Variants in NDFIP2 observed in about 807,000 individuals in gnomAD.
NDFIP2 encodes NEDD4 family-interacting protein 2.
Under a neutral mutation model 36.0 loss-of-function variants are expected in NDFIP2, and 19 were observed. That is an observed-to-expected ratio of 0.53 (90% CI 0.37 to 0.77). The LOEUF (loss-of-function observed/expected upper bound fraction) is 0.77, where lower values mean the gene tolerates loss of function less well. Among genes scored for constraint, NDFIP2 ranks in the 30% least tolerant of loss-of-function variants. The probability of loss-of-function intolerance (pLI) is 0.00; values close to 1 mark genes in which losing one functional copy is unlikely to be tolerated. For synonymous variants in NDFIP2, 181 were observed against 167.7 expected (o/e 1.08, Z -0.61); for missense variants, 446 against 435.8 (o/e 1.02, Z -0.21).
intron 5 of NDFIP2, 70 bp downstream of exon 5, chr13:79,543,752 A>G: frequency 1.9e-6 from 3 of 1,554,248 alleles, no homozygotes; most frequent in Non-Finnish European, 2.6e-6. Flanking sequence ...TGTGTGGTTC[A>G]TAAATGGTCA....
intron 1 of NDFIP2, among the ~76,000 whole-genome samples, chr13:79,515,444 AT>A (rs1874259023): frequency 6.6e-6 from 1 of 152,120 alleles, no homozygotes; most frequent in African/African-American, 2.4e-5. Flanking sequence ...TTACATTAAT[AT>A]TTATTTTCAG....
chr13:79,552,501 CTTCT>C lies in NDFIP2; in HGVS notation c.*3-12_*3-9del, dbSNP rs919892106. 1.3e-5 allele frequency: 2 copies of C among 151,690 alleles called. No homozygotes were observed. Among genetic ancestry groups the C allele is most frequent in the African/African-American group, 4.8e-5 (2 of 41,364 alleles). 9.4% of individuals were successfully genotyped at this position (151,690 alleles called of 1,614,324 possible). A position where few individuals can be genotyped will look rare whatever the true frequency, so the allele number is the denominator to read the frequency against. On this transcript the variant is annotated splice_polypyrimidine_tract_variant and intron_variant, in intron 7 of 7. Coordinates refer to ENST00000218652, the MANE Select transcript of NDFIP2 (RefSeq NM_019080.3). Reference sequence around the variant, plus strand: ...ACTTAATACATTTTAAGACTAATTCCTTCTTTGTCTCCAGACTGCATCAACCCGA... The same window carrying C: ...ACTTAATACATTTTAAGACTAATTCCTTGTCTCCAGACTGCATCAACCCGA...
intron 4 of NDFIP2, among the ~76,000 whole-genome samples, chr13:79,541,433 A>G (rs1875452178): frequency 6.6e-6 from 1 of 151,060 alleles, no homozygotes; most frequent in Admixed American, 6.6e-5. Context: ...TAATAGATTT[A>G]ATATATATTT....
chr13:79,549,632 G>A (rs1353823024), intron 6 of NDFIP2, among the ~76,000 whole-genome samples: 1 of 151,978 alleles, frequency 6.6e-6, no homozygotes, highest in African/African-American at 2.4e-5. Context: ...GCCACTGAGC[G>A]ATTGGTTTTT....
chr13:79,518,966 TGAC>T (rs998600302), intron 1 of NDFIP2: 3 of 152,290 alleles, frequency 2.0e-5, no homozygotes, highest in African/African-American at 7.2e-5. Flanking sequence ...ATGCCAGACT[TGAC>T]CATTTTTTGT....
intron 1 of NDFIP2, among the ~76,000 whole-genome samples, chr13:79,496,874 A>AT (rs1873453089): frequency 1.3e-5 from 2 of 151,490 alleles, no homozygotes; most frequent in South Asian, 2.1e-4. Context: ...TATTTCGTTT[A>AT]TTTTTTACAT....
intron 1 of NDFIP2, among the ~76,000 whole-genome samples, chr13:79,485,677 A>G (rs1428312042): frequency 2.6e-5 from 4 of 152,162 alleles, no homozygotes; most frequent in Non-Finnish European, 2.9e-5. Flanking sequence ...TCTGATAGCT[A>G]CTTTTCAGTT....
intron 1 of NDFIP2, among the ~76,000 whole-genome samples, chr13:79,489,805 GAAAC>G (rs1235625019): frequency 6.6e-6 from 1 of 152,176 alleles, no homozygotes; most frequent in Non-Finnish European, 1.5e-5. Context: ...GGACAAAACA[GAAAC>G]AAATTTTATG....
intron 1 of NDFIP2, among the ~76,000 whole-genome samples, chr13:79,497,119 C>G (rs1594841890): frequency 6.6e-6 from 1 of 151,864 alleles, no homozygotes; most frequent in Non-Finnish European, 1.5e-5. Context: ...TTGCTGTGGT[C>G]CTTTGGAGAA....
intron 6 of NDFIP2, among the ~76,000 whole-genome samples, chr13:79,550,588 C>G (rs1875868968): frequency 6.6e-6 from 1 of 151,432 alleles, no homozygotes; most frequent in Non-Finnish European, 1.5e-5. Context: ...TTAGTAACCT[C>G]ATGTATATAT....
At chr13:79,515,255 C>T (rs185926584) in intron 1 of NDFIP2, among the ~76,000 whole-genome samples, 8 of 148,508 alleles carry the variant, frequency 5.4e-5, no homozygotes, top group Non-Finnish European at 8.9e-5. Flanking sequence ...TGTGTCCCAT[C>T]GTTGAACTAA....
chr13:79,498,553 G>A (rs1400159262), intron 1 of NDFIP2, among the ~76,000 whole-genome samples: 5 of 151,978 alleles, frequency 3.3e-5, no homozygotes, highest in Non-Finnish European at 7.4e-5. Context: ...TGGATGCTGG[G>A]AAGTTCATTA....
At chr13:79,510,014 C>T (rs951850901) in intron 1 of NDFIP2, among the ~76,000 whole-genome samples, 2 of 152,158 alleles carry the variant, frequency 1.3e-5, no homozygotes, top group Admixed American at 6.5e-5. Context: ...TTGGCAACAC[C>T]GTCACACCCA....
chr13:79,498,682 A>T (rs1374831163), intron 1 of NDFIP2, among the ~76,000 whole-genome samples: 1 of 151,988 alleles, frequency 6.6e-6, no homozygotes, highest in Admixed American at 6.6e-5. Context: ...TTTTATCAAG[A>T]ACCTACTCCT....
At chr13:79,544,312 C>T (rs1875573208) in intron 5 of NDFIP2, among the ~76,000 whole-genome samples, 1 of 152,100 alleles carries the variant, frequency 6.6e-6, no homozygotes, top group African/African-American at 2.4e-5. Context: ...TGAAGTCACC[C>T]CCTGCCTTCT....
At chr13:79,522,492 A>G (rs980858373) in intron 2 of NDFIP2, among the ~76,000 whole-genome samples, 19 of 152,232 alleles carry the variant, frequency 1.2e-4, no homozygotes, top group African/African-American at 3.9e-4. Context: ...TACCCAAAAT[A>G]TAATAGAGTA....
chr13:79,525,771 T>C lies in NDFIP2; in HGVS notation c.487+4796T>C, dbSNP rs116364872. Reference sequence around the variant, plus strand: ...TATGAGTTGTTTATTTCTGCAGTTTTCTATTGAATATTTCTAGATTGCAGT... The same window carrying C: ...TATGAGTTGTTTATTTCTGCAGTTTCCTATTGAATATTTCTAGATTGCAGT... On this transcript the variant is annotated intron_variant, in intron 2 of 7. Coordinates refer to ENST00000218652, the MANE Select transcript of NDFIP2 (RefSeq NM_019080.3). 4.1e-3 allele frequency among the ~76,000 whole-genome samples: 625 copies of C among 152,336 alleles called. 7 individuals are homozygous for C. Among genetic ancestry groups the C allele is most frequent in the African/African-American group, 0.014 (601 of 41,566 alleles).
At chr13:79,517,101 T>G (rs542170973) in intron 1 of NDFIP2, among the ~76,000 whole-genome samples, 14 of 152,206 alleles carry the variant, frequency 9.2e-5, no homozygotes, top group Non-Finnish European at 2.1e-4. Flanking sequence ...GTTGTCATTT[T>G]TTTTTCTTTA....
chr13:79,522,172 G>T (rs1466983363), intron 2 of NDFIP2, among the ~76,000 whole-genome samples: 1 of 152,076 alleles, frequency 6.6e-6, no homozygotes, highest in Admixed American at 6.6e-5. Flanking sequence ...GATTATGCTT[G>T]CTCATTGCCC....
Sources: gnomAD v4.1 joint callset for allele counts (sites outside exome capture counted in the v4.1 genomes callset) on GRCh38, gnomAD v4.1.1 for gene constraint, MANE v1.5 for transcripts, NCBI Gene and HGNC (gene_info 2026-07-23, HGNC 2026-07-21) for gene names.